Variants in TENM2 observed in about 807,000 individuals in gnomAD.
TENM2 encodes the protein teneurin transmembrane protein 2.
A neutral mutation model predicts 245.2 loss-of-function variants in TENM2; 52 were observed. That is an observed-to-expected ratio of 0.21 (90% CI 0.17 to 0.27). TENM2 has a LOEUF of 0.27. TENM2 is among the 10% of genes least tolerant of loss of function. TENM2 has a pLI of 1.00. For missense variants in TENM2, 3,046 were observed against 3,666.8 expected (o/e 0.83, Z 4.37); for synonymous variants, 1,363 against 1,438.9 (o/e 0.95, Z 1.19).
chr5:168,217,004 G>C lies in TENM2; in HGVS notation c.4233+82G>C. 2.0e-6 allele frequency: 3 copies of C among 1,486,434 alleles called. No individual in the cohort carries two copies. In the South Asian group the frequency reaches 3.5e-5, roughly 18 times the overall value. The allele number at this position is 1,486,434 out of a possible 1,614,324, so 92.1% of individuals were successfully genotyped here. A position where few individuals can be genotyped will look rare whatever the true frequency, so the allele number is the denominator to read the frequency against. ...TCTTACCTGTTTCCTGTTTGGTTTG[G>C]AAGTGGAATGGGAGGGAGAGATACA... On this transcript the variant is annotated intron_variant, in intron 22 of 28. Coordinates refer to ENST00000518659, the Ensembl canonical transcript of TENM2.
chr5:167,197,604 CAATGAATA>C, the TENM2 span, among the ~76,000 whole-genome samples: 4 of 152,112 alleles, frequency 2.6e-5, no homozygotes, highest in East Asian at 7.8e-4. Flanking sequence ...AACATCAGAA[CAATGAATA>C]AGCTGTGTCC....
At chr5:167,841,527 A>G (rs1769518232) in intron 2 of TENM2, among the ~76,000 whole-genome samples, 2 of 152,160 alleles carry the variant, frequency 1.3e-5, no homozygotes, top group South Asian at 4.1e-4. Context: ...AAGCGTGTAT[A>G]TTATTTTTTA....
chr5:167,913,602 C>A (rs1209312592), intron 3 of TENM2, among the ~76,000 whole-genome samples: 1 of 152,110 alleles, frequency 6.6e-6, no homozygotes. Flanking sequence ...GAAATTGAAA[C>A]AATAGAAATC....
the TENM2 span, among the ~76,000 whole-genome samples, chr5:167,251,776 T>C: frequency 5.9e-5 from 9 of 152,294 alleles, no homozygotes; most frequent in Admixed American, 2.0e-4. Context: ...GAGGCAGCAA[T>C]GCATTTAGAG....
chr5:167,891,774 T>G (rs1408362119), intron 3 of TENM2, among the ~76,000 whole-genome samples: 2 of 152,166 alleles, frequency 1.3e-5, no homozygotes, highest in African/African-American at 4.8e-5. Context: ...TGCCTGGGTC[T>G]GAAGATCTAT....
At position 167,285,120 on chromosome 5, in the gene TENM2, A is replaced by G; in HGVS notation, c.226+57A>G. ...CAACTGTCTAACTTACTTGATTTAC[A>G]TGGTTGATGGCTGCTTTTGGAGATC... On this transcript the variant is annotated intron_variant, in intron 1 of 28. Coordinates refer to ENST00000518659, the Ensembl canonical transcript of TENM2. The G allele has an allele frequency of 5.2e-6, 7 of 1,339,172 alleles. No individual in the cohort carries two copies. The South Asian group carries it at 7.6e-5, about 15-fold the overall frequency. 83.0% of individuals were successfully genotyped at this position (1,339,172 alleles called of 1,614,324 possible).
At chr5:167,395,103 C>T (rs919234197) in intron 2 of TENM2, among the ~76,000 whole-genome samples, 5 of 152,124 alleles carry the variant, frequency 3.3e-5, no homozygotes, top group Admixed American at 2.6e-4. Flanking sequence ...ATTTTAACAA[C>T]ATTAAGTCTT....
chr5:167,517,172 G>C (rs1770437269), intron 2 of TENM2, among the ~76,000 whole-genome samples: 1 of 152,140 alleles, frequency 6.6e-6, no homozygotes, highest in South Asian at 2.1e-4. Context: ...AGAAGAGTCT[G>C]TGCATTATTA....
Position 167,637,739 on chromosome 5 carries a change from C to T in TENM2, c.503-238247C>T, listed in dbSNP as rs918089542. On this transcript the variant is annotated intron_variant, in intron 2 of 28. Transcript: ENST00000518659. The stretch of plus-strand genomic sequence containing the variant: ...CAGAAAACCAAACACTGCATGTTCT[C>T]ACTCATAAGTGGGAGCTGAACAATG... Among the ~76,000 whole-genome samples the T allele has an allele frequency of 3.4e-4, 52 of 152,210 alleles. 1 individual carries two copies. The highest frequency in any genetic ancestry group is 3.4e-3 in the Middle Eastern group (1 of 294).
intron 3 of TENM2, among the ~76,000 whole-genome samples, chr5:167,894,681 A>G (rs1775031667): frequency 6.6e-6 from 1 of 152,034 alleles, no homozygotes; most frequent in African/African-American, 2.4e-5. Flanking sequence ...AGTGCCCTGC[A>G]CTTAGTATGC....
the TENM2 span, among the ~76,000 whole-genome samples, chr5:166,983,475 A>T: frequency 2.0e-5 from 3 of 152,138 alleles, no homozygotes; most frequent in Admixed American, 1.3e-4. Flanking sequence ...TTTCGAATGT[A>T]CTATGAGTGA....
chr5:167,577,024 G>A (rs1189024092), intron 2 of TENM2, among the ~76,000 whole-genome samples: 1 of 152,160 alleles, frequency 6.6e-6, no homozygotes, highest in Non-Finnish European at 1.5e-5. Flanking sequence ...AATGCAGAGA[G>A]CAAACATAAG....
chr5:167,114,834 C>T, the TENM2 span, among the ~76,000 whole-genome samples: 6 of 152,134 alleles, frequency 3.9e-5, no homozygotes, highest in South Asian at 1.2e-3. Context: ...TATTAGAATC[C>T]TCCACATACA....
chr5:167,684,575 T>C (rs1756950159), intron 2 of TENM2, among the ~76,000 whole-genome samples: 1 of 152,206 alleles, frequency 6.6e-6, no homozygotes, highest in Admixed American at 6.5e-5. Context: ...TTTTTCCACA[T>C]TGCTAGATGG....
chr5:167,162,422 G>A, the TENM2 span, among the ~76,000 whole-genome samples: 1 of 152,042 alleles, frequency 6.6e-6, no homozygotes. Flanking sequence ...GAGGTCAAGA[G>A]TTTGAGACCA....
chr5:168,235,956 T>C (rs566773739), intron 25 of TENM2, among the ~76,000 whole-genome samples: 11 of 152,224 alleles, frequency 7.2e-5, no homozygotes, highest in Non-Finnish European at 1.0e-4. Flanking sequence ...TTCCCAGGCA[T>C]GGAGTTGGGG....
chr5:167,540,105 T>G (rs1562039107), intron 2 of TENM2, among the ~76,000 whole-genome samples: 1 of 152,140 alleles, frequency 6.6e-6, no homozygotes, highest in Non-Finnish European at 1.5e-5. Context: ...AATTACATCG[T>G]TGGAGTAAAT....
chr5:167,584,698 C>CT lies in TENM2; in HGVS notation c.502+209239dup, dbSNP rs35436525. ...TCACACCTAAGCTTTCTTTACTTTTCTTTTTTTTTTTTTTCAGACGGAGTC... is the reference window on the plus strand; with the variant it reads ...TCACACCTAAGCTTTCTTTACTTTTCTTTTTTTTTTTTTTTCAGACGGAGTC... On this transcript the variant is annotated intron_variant, in intron 2 of 28. Coordinates refer to ENST00000518659, the Ensembl canonical transcript of TENM2. Among the ~76,000 whole-genome samples, 305 of 143,184 alleles carry CT rather than the reference C, an allele frequency of 2.1e-3. 2 individuals carry two copies. The highest frequency in any genetic ancestry group is 3.2e-3 in the African/African-American group (124 of 39,064). The allele number at this position is 143,184 out of a possible 152,430, so 93.9% of individuals were successfully genotyped here.
the TENM2 span, among the ~76,000 whole-genome samples, chr5:167,074,554 CA>C: frequency 6.6e-6 from 1 of 152,092 alleles, no homozygotes; most frequent in Non-Finnish European, 1.5e-5. Flanking sequence ...TGAGATGATG[CA>C]ATAAAGTACC....
Sources: allele counts gnomAD v4.1 joint callset (sites outside exome capture counted in the v4.1 genomes callset), GRCh38; gene constraint gnomAD v4.1.1; transcripts MANE v1.5; gene names NCBI Gene and HGNC (gene_info 2026-07-23, HGNC 2026-07-21).